The following ANXA13 variants were observed in gnomAD, a reference collection of about 807,000 sequenced individuals.
ANXA13 encodes annexin A13.
In ANXA13, 36 loss-of-function variants were observed where a neutral mutation model predicts 46.6. The observed-to-expected ratio is 0.77, with a 90% CI of 0.59 to 1.02. ANXA13 has a LOEUF of 1.02. Ranked by LOEUF, ANXA13 falls within the 50% of genes least tolerant of loss-of-function variation. ANXA13 has a pLI of 0.00. For synonymous variants in ANXA13, 163 were observed against 152.9 expected (o/e 1.07, Z -0.49); for missense variants, 417 against 396.5 (o/e 1.05, Z -0.44).
rs1813316598 is a variant in ANXA13 at position 123,695,592 on chromosome 8, A to G, written c.392-11T>C. On this transcript the variant is annotated splice_polypyrimidine_tract_variant and intron_variant, in intron 5 of 10. Coordinates refer to ENST00000419625, the MANE Select transcript of ANXA13 (RefSeq NM_004306.4). ...GGCTCCTATCAAATACTTCGAAGGA[A>G]GTAAACAAGGAGGGAAGAAAGCAGA... 2.5e-6 allele frequency: 4 copies of G among 1,613,478 alleles called. No individual in the cohort carries two copies. Among genetic ancestry groups the G allele is most frequent in the Non-Finnish European group, 3.4e-6 (4 of 1,179,444 alleles).
chr8:123,735,815 C>G, intron 1 of ANXA13: 1 of 1,612,402 alleles, frequency 6.2e-7, no homozygotes, highest in Non-Finnish European at 8.5e-7. Context: ...GCACGACTGT[C>G]GAGGGTTGGG....
intron 1 of ANXA13, among the ~76,000 whole-genome samples, chr8:123,715,486 T>C (rs985059994): frequency 6.6e-6 from 1 of 152,260 alleles, no homozygotes; most frequent in African/African-American, 2.4e-5. Flanking sequence ...AGCTGTTCTC[T>C]ATGTCCTGTT....
chr8:123,681,319 T>C lies in ANXA13; in HGVS notation c.872A>G (p.Tyr291Cys), dbSNP rs562845658. Residue 291 changes from tyrosine (Y) to cysteine (C), a missense_variant, in exon 11 of 11, where the codon TAT (tyrosine) becomes TGT (cysteine). By Grantham distance (194) the Tyr-to-Cys change is radical (BLOSUM62 -2). Coordinates refer to ENST00000419625, the MANE Select transcript of ANXA13 (RefSeq NM_004306.4). ...AACCATGTCAGAGAGAGACTTCTGA[T>C]ACTTCTCTTGGAACTTTGCTTTGAT... is the stretch of plus-strand genomic sequence containing the variant. ...QGIKAKFQEK[Y>C]QKSLSDMVRS... The C allele has an allele frequency of 3.1e-6, 5 of 1,613,976 alleles. No individual in the cohort carries two copies. Among genetic ancestry groups the C allele is most frequent in the Admixed American group, 3.3e-5 (2 of 60,008 alleles).
chr8:123,735,630 G>A, intron 1 of ANXA13: 1 of 1,217,058 alleles, frequency 8.2e-7, no homozygotes, highest in South Asian at 2.3e-5. Flanking sequence ...CTGCTTGGAA[G>A]TCACACCTGA....
chr8:123,686,493 A>AG (rs55733723), intron 9 of ANXA13, among the ~76,000 whole-genome samples: 5 of 150,918 alleles, frequency 3.3e-5, no homozygotes, highest in Non-Finnish European at 7.4e-5. Context: ...AAAGAAAGAA[A>AG]AAAACCTCTT....
intron 1 of ANXA13, among the ~76,000 whole-genome samples, chr8:123,735,054 T>G (rs1025327705): frequency 1.3e-5 from 2 of 151,226 alleles, no homozygotes; most frequent in African/African-American, 4.9e-5. Context: ...CCACATCATA[T>G]TTTAGATTTG....
intron 1 of ANXA13, among the ~76,000 whole-genome samples, chr8:123,734,569 G>A (rs1489360842): frequency 6.6e-6 from 1 of 151,892 alleles, no homozygotes; most frequent in South Asian, 2.1e-4. Flanking sequence ...TAGCACAAAA[G>A]TAATTTTCGT....
In ANXA13 at chr8:123,693,269, C is replaced by T. The variant is rs749180884; in HGVS notation, c.570G>A (p.Glu190=). The T allele has an allele frequency of 2.5e-6, 4 of 1,614,180 alleles. No individual in the cohort carries two copies. Among genetic ancestry groups the T allele is most frequent in the Non-Finnish European group, 3.4e-6 (4 of 1,180,026 alleles). ...TGGCCAGGACTTCATTGAACGCAAG[C>T]TCATCAGTGCCCCAGCGGCCTTCCC... ...DAGEGRWGTD[E]LAFNEVLAKR... is the part of the protein sequence containing the mutation. The change falls in exon 8 of 11, where the codon GAG becomes GAA. Residue 190 remains glutamate, a synonymous_variant. Coordinates refer to ENST00000419625, the MANE Select transcript of ANXA13 (RefSeq NM_004306.4).
chr8:123,689,272 A>ATATAT (rs1050799538), intron 8 of ANXA13, among the ~76,000 whole-genome samples: 1 of 148,038 alleles, frequency 6.8e-6, no homozygotes, highest in Non-Finnish European at 1.5e-5. Flanking sequence ...TATATAATTA[A>ATATAT]TATATTATAT....
At chr8:123,726,080 A>C (rs1200957242) in intron 1 of ANXA13, among the ~76,000 whole-genome samples, 1 of 152,238 alleles carries the variant, frequency 6.6e-6, no homozygotes. Flanking sequence ...CTAGAAAAAC[A>C]TCCATTTGGA....
intron 8 of ANXA13, among the ~76,000 whole-genome samples, 155 bp from the exon 9 acceptor site, chr8:123,689,101 G>A (rs1358539316): frequency 1.3e-5 from 2 of 152,032 alleles, no homozygotes; most frequent in African/African-American, 2.4e-5. Context: ...TAGGATTGGG[G>A]TGTTTGCCAC....
intron 9 of ANXA13, among the ~76,000 whole-genome samples, chr8:123,685,776 G>A (rs1015077334): frequency 5.3e-5 from 8 of 152,118 alleles, no homozygotes; most frequent in African/African-American, 1.4e-4. Flanking sequence ...AAATCGCACC[G>A]GAAAAGAAAC....
At chr8:123,697,433 AT>A (rs1813361884) in intron 4 of ANXA13, among the ~76,000 whole-genome samples, 1 of 152,034 alleles carries the variant, frequency 6.6e-6, no homozygotes, top group African/African-American at 2.4e-5. Context: ...GAGGATTTTT[AT>A]TATCTTGTGG....
chr8:123,712,567 G>A (rs913128425), intron 2 of ANXA13, 111 bp downstream of exon 2: 14 of 955,220 alleles, frequency 1.5e-5, no homozygotes, highest in East Asian at 2.5e-5. Context: ...GCGTTAGCTC[G>A]GAATACACAA....
chr8:123,735,101 C>A (rs1814226390), intron 1 of ANXA13, among the ~76,000 whole-genome samples: 1 of 140,674 alleles, frequency 7.1e-6, no homozygotes, highest in Non-Finnish European at 1.5e-5. Flanking sequence ...AAAACAAAAA[C>A]CAAGTAAAAC....
intron 2 of ANXA13, among the ~76,000 whole-genome samples, chr8:123,707,853 T>A (rs982731657): frequency 6.6e-6 from 1 of 150,558 alleles, no homozygotes; most frequent in Admixed American, 6.6e-5. Flanking sequence ...ATAATAATAA[T>A]AAAAAACCTA....
chr8:123,712,667 A>G lies in ANXA13; in HGVS notation c.91+11T>C, dbSNP rs549119255. ...TTCAGAAGCAAATTAGCAACAAAATATCTCTCATACCCATTCCTTTGCAGG... is the reference window on the plus strand; with the variant it reads ...TTCAGAAGCAAATTAGCAACAAAATGTCTCTCATACCCATTCCTTTGCAGG... On this transcript the variant is annotated intron_variant, in intron 2 of 10. Transcript: ENST00000419625. 191 of 1,613,680 alleles carry G rather than the reference A, an allele frequency of 1.2e-4. No homozygotes were observed. In the South Asian group the frequency reaches 1.2e-3, roughly 10 times the overall value.
intron 6 of ANXA13, among the ~76,000 whole-genome samples, chr8:123,695,237 C>A (rs1813308377): frequency 6.6e-6 from 1 of 151,894 alleles, no homozygotes; most frequent in Non-Finnish European, 1.5e-5. Context: ...GGCAAAATGA[C>A]AAAGTGATGC....
rs1474203923 is a variant in ANXA13 at position 123,712,543 on chromosome 8, G to C, written c.91+135C>G. Reference sequence around the variant, plus strand: ...GCGAACTTTAATAAAGAGGTTAGTGGAAGTGATTGACTTGCGTTAGCTCGG... The same window carrying C: ...GCGAACTTTAATAAAGAGGTTAGTGCAAGTGATTGACTTGCGTTAGCTCGG... On this transcript the variant is annotated intron_variant, in intron 2 of 10. Coordinates refer to ENST00000419625, the MANE Select transcript of ANXA13 (RefSeq NM_004306.4). The C allele has an allele frequency of 1.0e-5, 8 of 765,718 alleles. No individual in the cohort carries two copies. In the African/African-American group the frequency reaches 1.4e-4, roughly 13 times the overall value. The allele number at this position is 765,718 out of a possible 1,614,324, so 47.4% of individuals were successfully genotyped here. A position where few individuals can be genotyped will look rare whatever the true frequency, so the allele number is the denominator to read the frequency against.
Sources: gnomAD v4.1 joint callset for allele counts (sites outside exome capture counted in the v4.1 genomes callset) on GRCh38, gnomAD v4.1.1 for gene constraint, MANE v1.5 for transcripts, NCBI Gene and HGNC (gene_info 2026-07-23, HGNC 2026-07-21) for gene names.